Variants in IL1RAPL2 observed in about 807,000 individuals in gnomAD.
IL1RAPL2 encodes X-linked interleukin-1 receptor accessory protein-like 2.
A neutral mutation model predicts 44.1 loss-of-function variants in IL1RAPL2; 3 were observed. The observed-to-expected ratio is 0.07, with a 90% CI of 0.03 to 0.18. IL1RAPL2 has a LOEUF of 0.18. Ranked by LOEUF, IL1RAPL2 falls within the 10% of genes least tolerant of loss-of-function variation. The probability of loss-of-function intolerance (pLI) is 1.00; values close to 1 mark genes in which losing one functional copy is unlikely to be tolerated. For missense variants in IL1RAPL2, 391 were observed against 496.4 expected, an observed-to-expected ratio of 0.79 and a Z score of 2.02; for synonymous variants, 181 against 178.8, an observed-to-expected ratio of 1.01 and a Z score of -0.10.
intron 4 of IL1RAPL2, among the ~76,000 whole-genome samples, chrX:105,256,893 T>C (rs183682356): frequency 7.2e-5 from 8 of 111,676 alleles, no homozygotes; most frequent in African/African-American, 1.6e-4. Flanking sequence ...ATCTATCTTA[T>C]TAATGTTTTC....
chrX:104,892,256 C>A (rs937068589), intron 2 of IL1RAPL2, among the ~76,000 whole-genome samples: 1 of 111,504 alleles, frequency 9.0e-6, no homozygotes, highest in African/African-American at 3.3e-5. Context: ...CTAAAATTCT[C>A]TTTTTTTGTT....
Position 104,673,573 on chromosome X carries a change from C to T in IL1RAPL2, c.82+14578C>T, listed in dbSNP as rs891348866. Among the ~76,000 whole-genome samples, 42 of 110,777 alleles carry T rather than the reference C, an allele frequency of 3.8e-4. 1 individual carries two copies. The highest frequency in any genetic ancestry group is 2.0e-3 in the Admixed American group (21 of 10,461). ...TTCTTTTGGCTTAGGATTGATTTGG[C>T]GATGTGGGCTCTTTTTTGGTTCCAT... On this transcript the variant is annotated intron_variant, in intron 2 of 10. Coordinates refer to ENST00000372582, the MANE Select transcript of IL1RAPL2 (RefSeq NM_017416.2).
chrX:105,717,996 G>A (rs182492995), intron 7 of IL1RAPL2, among the ~76,000 whole-genome samples: 3 of 112,224 alleles, frequency 2.7e-5, no homozygotes, highest in Non-Finnish European at 3.8e-5. Flanking sequence ...TTTAGTACAT[G>A]TTTAGACCTC....
chrX:104,640,786 C>T (rs1026729828), intron 1 of IL1RAPL2, among the ~76,000 whole-genome samples: 24 of 112,039 alleles, frequency 2.1e-4, no homozygotes, highest in Admixed American at 1.9e-4. Flanking sequence ...CCTGTGATTT[C>T]CTTAGTAGCT....
At chrX:105,597,126 A>G (rs1177430341) in intron 6 of IL1RAPL2, among the ~76,000 whole-genome samples, 3 of 112,090 alleles carry the variant, frequency 2.7e-5, no homozygotes, top group Non-Finnish European at 3.8e-5. Flanking sequence ...GCAAAAACAC[A>G]AATAATCAGA....
At chrX:105,445,570 G>T (rs961360375) in intron 5 of IL1RAPL2, among the ~76,000 whole-genome samples, 70 of 110,819 alleles carry the variant, frequency 6.3e-4, no homozygotes, top group Non-Finnish European at 1.2e-3. Context: ...ATATCCCATA[G>T]GTTTTGTATG....
intron 6 of IL1RAPL2, among the ~76,000 whole-genome samples, chrX:105,685,417 T>C (rs1470257195): frequency 9.0e-6 from 1 of 111,709 alleles, no homozygotes; most frequent in Non-Finnish European, 1.9e-5. Context: ...CATGCGGAAG[T>C]TTCAATAGCC....
chrX:105,427,952 T>G (rs1157551862), intron 5 of IL1RAPL2, among the ~76,000 whole-genome samples: 2 of 111,607 alleles, frequency 1.8e-5, no homozygotes, highest in African/African-American at 3.2e-5. Flanking sequence ...TAATTTAAAA[T>G]ATTGAAAAAT....
intron 2 of IL1RAPL2, among the ~76,000 whole-genome samples, chrX:104,956,505 C>T (rs769524725): frequency 0.019 from 240 of 12,373 alleles, no homozygotes; most frequent in Non-Finnish European, 0.029. Flanking sequence ...TTATGCCGGG[C>T]GTGGTGGCGC....
rs6621990 is a variant in IL1RAPL2, at chrX:105,695,435, T to C, written c.773-21932T>C. On this transcript the variant is annotated intron_variant, in intron 6 of 10. Coordinates refer to ENST00000372582, the MANE Select transcript of IL1RAPL2 (RefSeq NM_017416.2). The stretch of plus-strand genomic sequence containing the variant: ...CTTACAGCTAGATGATATTAGCCTA[T>C]GGACTTTTTCCTACGGTAGGAAATC... Among the ~76,000 whole-genome samples the C allele has an allele frequency of 6.8e-3, 760 of 111,925 alleles. 6 individuals carry two copies. Among genetic ancestry groups the C allele is most frequent in the African/African-American group, 0.023 (713 of 30,831 alleles).
chrX:105,489,674 CTCTT>C (rs1216877993), intron 6 of IL1RAPL2, among the ~76,000 whole-genome samples: 2 of 108,719 alleles, frequency 1.8e-5, no homozygotes, highest in Non-Finnish European at 3.8e-5. Context: ...TTCTTTCTTT[CTCTT>C]TCTTTTTCTT....
At chrX:105,193,359 G>A (rs781832540) in intron 2 of IL1RAPL2, among the ~76,000 whole-genome samples, 6 of 111,358 alleles carry the variant, frequency 5.4e-5, no homozygotes, top group Non-Finnish European at 1.1e-4. Flanking sequence ...TTCCCGTGGG[G>A]TTTATTTTGT....
chrX:105,653,338 C>T (rs2037654505), intron 6 of IL1RAPL2, among the ~76,000 whole-genome samples: 1 of 111,549 alleles, frequency 9.0e-6, no homozygotes, highest in African/African-American at 3.3e-5. Context: ...GGAACCTCGA[C>T]CCATTGTTTG....
intron 3 of IL1RAPL2, among the ~76,000 whole-genome samples, chrX:105,201,720 G>C (rs2033719402): frequency 1.8e-5 from 2 of 111,757 alleles, no homozygotes; most frequent in Non-Finnish European, 3.8e-5. Flanking sequence ...CAAGGACAGT[G>C]AACATATCTC....
chrX:104,670,200 G>A (rs1053157080), intron 2 of IL1RAPL2, among the ~76,000 whole-genome samples: 5 of 111,299 alleles, frequency 4.5e-5, no homozygotes, highest in Non-Finnish European at 9.4e-5. Flanking sequence ...CCAACAGTGC[G>A]GCCTTCAGTC....
chrX:105,409,550 A>T (rs912857254), intron 5 of IL1RAPL2, among the ~76,000 whole-genome samples: 10 of 111,216 alleles, frequency 9.0e-5, no homozygotes, highest in Non-Finnish European at 1.5e-4. Context: ...AACATATGTG[A>T]TGTGGTAGAA....
intron 2 of IL1RAPL2, among the ~76,000 whole-genome samples, chrX:104,999,960 T>G (rs1234010553): frequency 9.0e-6 from 1 of 110,834 alleles, no homozygotes; most frequent in Non-Finnish European, 1.9e-5. Context: ...AACATTTCTT[T>G]TTTTTTTTCT....
At chrX:105,318,499 A>C (rs2034870165) in intron 5 of IL1RAPL2, among the ~76,000 whole-genome samples, 1 of 111,693 alleles carries the variant, frequency 9.0e-6, no homozygotes, top group Non-Finnish European at 1.9e-5. Flanking sequence ...CTCTCAGAGA[A>C]AAATATAAGA....
At chrX:104,946,125 CA>C (rs1161168388) in intron 2 of IL1RAPL2, among the ~76,000 whole-genome samples, 1 of 106,729 alleles carries the variant, frequency 9.4e-6, no homozygotes, top group African/African-American at 3.4e-5. Flanking sequence ...TTTTTCCCAG[CA>C]CTTTGGGAGG....
Sources: gnomAD v4.1 joint callset for allele counts (sites outside exome capture counted in the v4.1 genomes callset) on GRCh38, gnomAD v4.1.1 for gene constraint, MANE v1.5 for transcripts, NCBI Gene and HGNC (gene_info 2026-07-23, HGNC 2026-07-21) for gene names.